Variants in PEBP1 observed in about 807,000 individuals in gnomAD.
PEBP1 encodes phosphatidylethanolamine-binding protein 1.
A neutral mutation model predicts 22.7 loss-of-function variants in PEBP1; 17 were observed. The ratio of observed to expected loss-of-function variants is 0.75; its 90% CI spans 0.51 to 1.12. The LOEUF (loss-of-function observed/expected upper bound fraction) is 1.12. Ranked by LOEUF, PEBP1 falls within the 50% of genes most tolerant of loss-of-function variation. PEBP1 has a pLI of 0.00. For missense variants in PEBP1, 205 were observed against 243.5 expected, an observed-to-expected ratio of 0.84 and a Z score of 1.05; for synonymous variants, 106 against 104.3, an observed-to-expected ratio of 1.02 and a Z score of -0.10.
In PEBP1 at chr12:118,144,656, C is replaced by CA. The variant is rs1422898794; in HGVS notation, c.419dup (p.Asn140LysfsTer17). The CA allele has an allele frequency of 6.2e-7, 1 of 1,613,980 alleles. No individual in the cohort carries two copies. Among genetic ancestry groups the CA allele is most frequent in the East Asian group, 2.2e-5 (1 of 44,882 alleles). On this transcript the variant is annotated frameshift_variant, in exon 4 of 4. Transcript: ENST00000261313. LOFTEE classifies it high-confidence loss of function. The stretch of plus-strand genomic sequence containing the variant: ...TAAAGTGTGACGAGCCCATCCTCAG[C>CA]AACCGATCTGGAGACCACCGTGGCA...
Position 118,144,788 on chromosome 12 carries a change from G to A in PEBP1, c.549G>A (p.Gln183=), listed in dbSNP as rs1357303631. The change falls in exon 4 of 4, where the codon CAG becomes CAA. Residue 183 remains glutamine, a synonymous_variant. Coordinates refer to ENST00000261313, the MANE Select transcript of PEBP1 (RefSeq NM_002567.4). ...WDDYVPKLYE[Q]LSGK The stretch of plus-strand genomic sequence containing the variant: ...ACTATGTGCCCAAACTGTACGAGCA[G>A]CTGTCTGGGAAGTAGGGGGTTAGCT... 4 of 1,614,088 alleles carry A rather than the reference G, an allele frequency of 2.5e-6. No individual in the cohort carries two copies. The highest frequency in any genetic ancestry group is 3.4e-6 in the Non-Finnish European group (4 of 1,180,040).
chr12:118,145,178 A>AG lies in PEBP1; in HGVS notation c.*375_*376insG. 1 of 387,518 alleles carries AG rather than the reference A, an allele frequency of 2.6e-6. No homozygotes were observed. Among genetic ancestry groups the AG allele is most frequent in the South Asian group, 2.2e-5 (1 of 45,970 alleles). 24.0% of individuals were successfully genotyped at this position (387,518 alleles called of 1,614,324 possible). On this transcript the variant is annotated 3_prime_UTR_variant, in exon 4 of 4. Coordinates refer to ENST00000261313, the MANE Select transcript of PEBP1 (RefSeq NM_002567.4). ...TCTTTAAGGGAGGTTTAAAAAAAAA[A>AG]AAAAAAAAAAAGATTGGTTGCCTCT...
Position 118,136,171 on chromosome 12 carries a change from C to T in PEBP1, c.-39C>T. The T allele has an allele frequency of 2.6e-6, 4 of 1,538,714 alleles. No homozygotes were observed. Among genetic ancestry groups the T allele is most frequent in the Non-Finnish European group, 3.5e-6 (4 of 1,145,570 alleles). On this transcript the variant is annotated 5_prime_UTR_variant, in exon 1 of 4. Transcript: ENST00000261313. The surrounding 1 kb of genome is among the most constrained non-coding windows in gnomAD (Gnocchi z 5.6). Reference sequence around the variant, plus strand: ...GCCTCTGTCGCCCGCGCCTGGCCTACCGCGGCACTCCCGGCTGCACGCTCT... The same window carrying T: ...GCCTCTGTCGCCCGCGCCTGGCCTATCGCGGCACTCCCGGCTGCACGCTCT...
Position 118,138,124 on chromosome 12 carries a change from C to T in PEBP1, c.221C>T (p.Pro74Leu). ...YTLVLTDPDA[P>L]SRKDPKYREW... is the part of the protein sequence containing the mutation. The stretch of plus-strand genomic sequence containing the variant: ...TTGGTCCTGACAGACCCGGATGCTC[C>T]CAGCAGGAAGGATCCCAAATACAGG... Residue 74 changes from proline to leucine, a missense_variant, in exon 2 of 4, where the codon CCC (proline) becomes CTC (leucine). Transcript: ENST00000261313. 6.2e-7 allele frequency: 1 copy of T among 1,613,026 alleles called. No individual in the cohort carries two copies. The highest frequency in any genetic ancestry group is 8.5e-7 in the Non-Finnish European group (1 of 1,179,234).
intron 3 of PEBP1, 85 bp from the exon 4 acceptor site, chr12:118,144,501 T>C (rs1443497852): frequency 1.5e-6 from 2 of 1,341,334 alleles, no homozygotes; most frequent in East Asian, 5.0e-5. Flanking sequence ...GGTGCCTCCA[T>C]GTTGAAACAT....
chr12:118,136,427 G>A lies in PEBP1; in HGVS notation c.135+83G>A. On this transcript the variant is annotated intron_variant, in intron 1 of 3. Transcript: ENST00000261313. The surrounding 1 kb of genome is among the most constrained non-coding windows in gnomAD (Gnocchi z 5.6). ...CCTGGGTGGGACCCAGCGGAGACAGGGCCAGGGGCGGTGGGGAGGTTCAGC... is the reference window on the plus strand; with the variant it reads ...CCTGGGTGGGACCCAGCGGAGACAGAGCCAGGGGCGGTGGGGAGGTTCAGC... The A allele has an allele frequency of 2.1e-6, 3 of 1,433,564 alleles. No individual in the cohort carries two copies. Among genetic ancestry groups the A allele is most frequent in the Non-Finnish European group, 2.8e-6 (3 of 1,088,598 alleles). 88.8% of individuals were successfully genotyped at this position (1,433,564 alleles called of 1,614,324 possible).
intron 3 of PEBP1, among the ~76,000 whole-genome samples, chr12:118,140,529 T>G (rs1371595842): frequency 3.3e-5 from 5 of 152,052 alleles, no homozygotes. Flanking sequence ...TTCTCTCAAG[T>G]AAGAGCTGTG....
In PEBP1 at chr12:118,136,647, C is replaced by A. The variant is rs1347999640; in HGVS notation, c.135+303C>A. On this transcript the variant is annotated intron_variant, in intron 1 of 3. Coordinates refer to ENST00000261313, the MANE Select transcript of PEBP1 (RefSeq NM_002567.4). This position sits in a 1 kb window ranked among gnomAD's most constrained non-coding sequence, Gnocchi z 5.6. ...CGGAAACAGGCCGGATCCCCCTCTC[C>A]CCCCACAGGCCAGGGCGCTGGAGAG... Among the ~76,000 whole-genome samples, 1 of 152,212 alleles carries A rather than the reference C, an allele frequency of 6.6e-6. No individual in the cohort carries two copies. Among genetic ancestry groups the A allele is most frequent in the Non-Finnish European group, 1.5e-5 (1 of 68,038 alleles).
chr12:118,144,557 G>T, intron 3 of PEBP1, 29 bp from the exon 4 acceptor site: 1 of 1,593,432 alleles, frequency 6.3e-7, no homozygotes, highest in Non-Finnish European at 8.6e-7. Context: ...TGGGCTGTGT[G>T]TACATCTTCC....
At chr12:118,139,096 C>CCT in intron 2 of PEBP1, 1 of 246,812 alleles carries the variant, frequency 4.1e-6, no homozygotes, top group South Asian at 3.9e-5. Context: ...GGGGGGATCA[C>CCT]GAGGTCAGGA....
At position 118,144,582 on chromosome 12, in the gene PEBP1, A is replaced by G. The variant is rs185919014; in HGVS notation, c.347-4A>G. 8.7e-4 allele frequency: 1,395 copies of G among 1,610,698 alleles called. 1 individual carries two copies. The highest frequency in any genetic ancestry group is 1.1e-3 in the Non-Finnish European group (1,306 of 1,178,532). On this transcript the variant is annotated splice_region_variant and splice_polypyrimidine_tract_variant and intron_variant, in intron 3 of 3. Transcript: ENST00000261313. ...GTACATCTTCCCTCTGCCTCTCCCC[A>G]CAGGCCTCCACCGCTATGTCTGGCT...
chr12:118,143,451 A>G (rs1039568092), intron 3 of PEBP1, among the ~76,000 whole-genome samples: 1 of 152,214 alleles, frequency 6.6e-6, no homozygotes, highest in African/African-American at 2.4e-5. Context: ...AGAAAAAATA[A>G]AAGGCTGGAT....
At position 118,145,093 on chromosome 12, in the gene PEBP1, AAAG is replaced by A; in HGVS notation, c.*293_*295del. 1 of 1,136,592 alleles carries A rather than the reference AAAG, an allele frequency of 8.8e-7. No individual in the cohort carries two copies. The highest frequency in any genetic ancestry group is 1.6e-5 in the African/African-American group (1 of 63,900). The allele number at this position is 1,136,592 out of a possible 1,614,324, so 70.4% of individuals were successfully genotyped here. A position where few individuals can be genotyped will look rare whatever the true frequency, so the allele number is the denominator to read the frequency against. ...TGAAAATAGCAACCCAGAATGTAAA[AAAG>A]AAAAAACTGGGGGGAAAAAGACCAG... On this transcript the variant is annotated 3_prime_UTR_variant, in exon 4 of 4. Transcript: ENST00000261313.
Position 118,145,150 on chromosome 12 carries a change from G to GA in PEBP1, c.*349dup, listed in dbSNP as rs2034146287. ...TACAGTGATAGAGCAAAGCATCAAAGAATCTTTAAGGGAGGTTTAAAAAAA... is the reference window on the plus strand; with the variant it reads ...TACAGTGATAGAGCAAAGCATCAAAGAAATCTTTAAGGGAGGTTTAAAAAAA... On this transcript the variant is annotated 3_prime_UTR_variant, in exon 4 of 4. Coordinates refer to ENST00000261313, the MANE Select transcript of PEBP1 (RefSeq NM_002567.4). The GA allele has an allele frequency of 1.3e-5, 3 of 228,506 alleles. No individual in the cohort carries two copies. The highest frequency in any genetic ancestry group is 2.4e-5 in the Non-Finnish European group (3 of 125,348). 14.2% of individuals were successfully genotyped at this position (228,506 alleles called of 1,614,324 possible).
rs909744323 is a variant in PEBP1 at position 118,141,323 on chromosome 12, G to A, written c.346+1772G>A. ...GTAGAGTCAAGGTTTCACCATGTTG[G>A]CCAGGCTGGTCTCGAACTTCTGACC... On this transcript the variant is annotated intron_variant, in intron 3 of 3. Coordinates refer to ENST00000261313, the MANE Select transcript of PEBP1 (RefSeq NM_002567.4). 2.6e-5 allele frequency among the ~76,000 whole-genome samples: 4 copies of A among 152,098 alleles called. No individual in the cohort carries two copies. In the South Asian group the frequency reaches 8.3e-4, roughly 31 times the overall value.
At chr12:118,137,004 C>G (rs150833504) in intron 1 of PEBP1, among the ~76,000 whole-genome samples, 1 of 152,126 alleles carries the variant, frequency 6.6e-6, no homozygotes. Context: ...AATAAACTGC[C>G]CCGACCTTAC....
In PEBP1 at chr12:118,136,142, C is replaced by G; in HGVS notation, c.-68C>G. The G allele has an allele frequency of 6.6e-7, 1 of 1,524,766 alleles. No homozygotes were observed. The highest frequency in any genetic ancestry group is 8.8e-7 in the Non-Finnish European group (1 of 1,138,366). 94.5% of individuals were successfully genotyped at this position (1,524,766 alleles called of 1,614,324 possible). A position where few individuals can be genotyped will look rare whatever the true frequency, so the allele number is the denominator to read the frequency against. ...CCGAGCCAGTGTGCTGAGCTCTCCGCGTCGCCTCTGTCGCCCGCGCCTGGC... is the reference window on the plus strand; with the variant it reads ...CCGAGCCAGTGTGCTGAGCTCTCCGGGTCGCCTCTGTCGCCCGCGCCTGGC... On this transcript the variant is annotated 5_prime_UTR_variant, in exon 1 of 4. Coordinates refer to ENST00000261313, the MANE Select transcript of PEBP1 (RefSeq NM_002567.4). This position sits in a 1 kb window ranked among gnomAD's most constrained non-coding sequence, Gnocchi z 5.6.
At chr12:118,144,448 C>G in intron 3 of PEBP1, 138 bp from the exon 4 acceptor site, 1 of 767,646 alleles carries the variant, frequency 1.3e-6, no homozygotes, top group South Asian at 1.8e-5. Context: ...CACCAAATAC[C>G]TGTCTGGACC....
intron 3 of PEBP1, 23 bp downstream of exon 3, chr12:118,139,574 G>A (rs749018580): frequency 1.6e-5 from 24 of 1,458,338 alleles, no homozygotes; most frequent in Non-Finnish European, 2.3e-5. Context: ...TGTTTTTGGT[G>A]GGAGGTTGGG....
Sources: gnomAD v4.1 joint callset for allele counts (sites outside exome capture counted in the v4.1 genomes callset) on GRCh38, gnomAD v4.1.1 for gene constraint, Gnocchi (gnomAD v3.1) non-coding constraint, MANE v1.5 for transcripts, NCBI Gene and HGNC (gene_info 2026-07-23, HGNC 2026-07-21) for gene names.